Variants in GPC6 observed in about 807,000 individuals in gnomAD.
The protein encoded by GPC6 is glypican-6.
In GPC6, 14 loss-of-function variants were observed where a neutral mutation model predicts 55.2. That is an observed-to-expected ratio of 0.25 (90% confidence interval 0.17 to 0.40). The LOEUF (loss-of-function observed/expected upper bound fraction) is 0.40. Among genes scored for constraint, GPC6 ranks in the 10% least tolerant of loss-of-function variants. The probability of loss-of-function intolerance (pLI) is 1.00; values close to 1 mark genes in which losing one functional copy is unlikely to be tolerated. For missense variants in GPC6, 641 were observed against 708.5 expected, an observed-to-expected ratio of 0.90 and a Z score of 1.08; for synonymous variants, 278 against 259.6, an observed-to-expected ratio of 1.07 and a Z score of -0.68.
At chr13:93,765,259 A>C (rs1015142544) in intron 2 of GPC6, among the ~76,000 whole-genome samples, 2 of 78,674 alleles carry the variant, frequency 2.5e-5, no homozygotes, top group African/African-American at 7.0e-5. Flanking sequence ...TTTCCAGATA[A>C]GCTGTCTGGA....
intron 3 of GPC6, among the ~76,000 whole-genome samples, chr13:93,997,401 G>A (rs557025351): frequency 1.9e-4 from 29 of 152,138 alleles, no homozygotes; most frequent in African/African-American, 5.5e-4. Context: ...GCTATGCATC[G>A]ACTTTACCCA....
intron 2 of GPC6, among the ~76,000 whole-genome samples, chr13:93,612,354 C>A (rs1180976749): frequency 6.6e-6 from 1 of 151,978 alleles, no homozygotes; most frequent in East Asian, 1.9e-4. Context: ...AAAAAATTAG[C>A]CGAGCATGGT....
chr13:93,653,575 C>CGTGTGT (rs55845007), intron 2 of GPC6, among the ~76,000 whole-genome samples: 4 of 145,650 alleles, frequency 2.7e-5, no homozygotes, highest in African/African-American at 1.0e-4. Flanking sequence ...AGTATATGGC[C>CGTGTGT]GTGTGTGTGT....
intron 6 of GPC6, among the ~76,000 whole-genome samples, chr13:94,342,183 A>C (rs940200718): frequency 6.6e-5 from 10 of 152,218 alleles, no homozygotes; most frequent in African/African-American, 2.4e-4. Flanking sequence ...CTGAAAGTAT[A>C]CTTTTTGGTT....
chr13:94,057,472 A>G (rs545929139), intron 4 of GPC6, among the ~76,000 whole-genome samples: 57 of 152,276 alleles, frequency 3.7e-4, no homozygotes, highest in Non-Finnish European at 6.6e-4. Flanking sequence ...ATGTTTTCCC[A>G]TTTCATTAGT....
At chr13:94,259,031 G>A (rs1016805646) in intron 4 of GPC6, among the ~76,000 whole-genome samples, 2 of 151,770 alleles carry the variant, frequency 1.3e-5, no homozygotes, top group African/African-American at 4.8e-5. Context: ...CTTCCTCACT[G>A]GAAACCTTTC....
chr13:93,973,619 T>C (rs546678833), intron 3 of GPC6, among the ~76,000 whole-genome samples: 1 of 152,288 alleles, frequency 6.6e-6, no homozygotes, highest in South Asian at 2.1e-4. Context: ...AATAAAATGT[T>C]TAAAATAACG....
intron 3 of GPC6, among the ~76,000 whole-genome samples, chr13:93,985,371 A>G (rs981426522): frequency 1.3e-5 from 2 of 151,850 alleles, no homozygotes; most frequent in Non-Finnish European, 2.9e-5. Flanking sequence ...CAGGAGGTAG[A>G]GGTTGCAGTG....
chr13:94,173,064 C>A (rs933815626), intron 4 of GPC6, among the ~76,000 whole-genome samples: 2 of 152,112 alleles, frequency 1.3e-5, no homozygotes, highest in South Asian at 4.1e-4. Context: ...GCACCAATAT[C>A]TTGAATGAGG....
At chr13:93,369,101 G>A (rs1210004119) in intron 1 of GPC6, among the ~76,000 whole-genome samples, 1 of 152,014 alleles carries the variant, frequency 6.6e-6, no homozygotes, top group Non-Finnish European at 1.5e-5. Flanking sequence ...AGAGAGGGGT[G>A]CCTCATTATT....
chr13:93,869,192 T>A (rs1889055369), intron 3 of GPC6, among the ~76,000 whole-genome samples: 1 of 151,832 alleles, frequency 6.6e-6, no homozygotes. Flanking sequence ...CCCTACACAT[T>A]GCCAGTCGAT....
At chr13:93,650,867 A>AC (rs1880380299) in intron 2 of GPC6, among the ~76,000 whole-genome samples, 1 of 109,062 alleles carries the variant, frequency 9.2e-6, no homozygotes, top group Non-Finnish European at 2.3e-5. Context: ...CCTCAAAATC[A>AC]CATTTTTTTT....
intron 1 of GPC6, among the ~76,000 whole-genome samples, chr13:93,476,069 T>G (rs1294269863): frequency 6.6e-6 from 1 of 152,146 alleles, no homozygotes; most frequent in Non-Finnish European, 1.5e-5. Context: ...CATATTAGTA[T>G]GGTCTCCCTA....
intron 1 of GPC6, among the ~76,000 whole-genome samples, chr13:93,414,465 G>C (rs186220995): frequency 1.3e-5 from 2 of 152,186 alleles, no homozygotes; most frequent in Non-Finnish European, 2.9e-5. Context: ...TCAGCAATAC[G>C]ATCGTCTGTT....
intron 2 of GPC6, among the ~76,000 whole-genome samples, chr13:93,758,524 A>C: frequency 6.6e-6 from 1 of 152,044 alleles, no homozygotes; most frequent in East Asian, 1.9e-4. Flanking sequence ...TATTGTCCTG[A>C]GTGTTTTGAT....
chr13:93,563,759 GAA>G (rs532310587), intron 2 of GPC6, among the ~76,000 whole-genome samples: 2 of 105,564 alleles, frequency 1.9e-5, no homozygotes, highest in African/African-American at 3.3e-5. Context: ...GAGAATGAAA[GAA>G]AAAAAAAAAA....
At chr13:94,180,097 A>C (rs927045814) in intron 4 of GPC6, among the ~76,000 whole-genome samples, 1 of 152,132 alleles carries the variant, frequency 6.6e-6, no homozygotes, top group Admixed American at 6.6e-5. Flanking sequence ...TCCCTACCCG[A>C]AGGCTGGAAA....
chr13:94,012,303 T>A (rs1418375296), intron 3 of GPC6, among the ~76,000 whole-genome samples: 1 of 152,178 alleles, frequency 6.6e-6, no homozygotes, highest in Non-Finnish European at 1.5e-5. Context: ...TCCATGCTGG[T>A]ACTTTGCAGG....
intron 6 of GPC6, among the ~76,000 whole-genome samples, chr13:94,318,537 C>T (rs976914239): frequency 6.6e-6 from 1 of 152,124 alleles, no homozygotes; most frequent in Admixed American, 6.6e-5. Context: ...GTAATACTCA[C>T]CCTTCTTGCA....
Sources: allele counts gnomAD v4.1 joint callset (sites outside exome capture counted in the v4.1 genomes callset), GRCh38; gene constraint gnomAD v4.1.1; transcripts MANE v1.5; gene names NCBI Gene and HGNC (gene_info 2026-07-23, HGNC 2026-07-21).